Variants in MYCBP2 observed in about 807,000 individuals in gnomAD.
The protein encoded by MYCBP2 is MYC binding protein 2, also known as E3 ubiquitin-protein ligase MYCBP2.
A neutral mutation model predicts 525.3 loss-of-function variants in MYCBP2; 120 were observed. That is an observed-to-expected ratio of 0.23 (90% CI 0.20 to 0.27). MYCBP2 has a LOEUF of 0.27. MYCBP2 is among the 10% of genes least tolerant of loss of function. The pLI is 1.00. For synonymous variants in MYCBP2, 1,894 were observed against 1,955.8 expected (o/e 0.97, Z 0.83); for missense variants, 4,149 against 5,657.1 (o/e 0.73, Z 8.55).
chr13:77,267,273 T>C (rs903450551), intron 8 of MYCBP2, among the ~76,000 whole-genome samples: 2 of 151,288 alleles, frequency 1.3e-5, no homozygotes, highest in African/African-American at 4.9e-5. Context: ...TAAAGCAAAA[T>C]AAACTGTGTC....
intron 52 of MYCBP2, among the ~76,000 whole-genome samples, chr13:77,131,917 G>A (rs982083567): frequency 6.6e-6 from 1 of 152,012 alleles, no homozygotes; most frequent in African/African-American, 2.4e-5. Context: ...GAAAATAAGT[G>A]ACCAACCATG....
rs3742103 is a variant in MYCBP2, at chr13:77,166,574, T to C, written c.6115-20A>G. On this transcript the variant is annotated intron_variant, in intron 40 of 82. Transcript: ENST00000544440. ...TGTCACCTGAGGTCAACAGGCAAAGTGACATGAATACAGATATATATATAC... is the reference window on the plus strand; with the variant it reads ...TGTCACCTGAGGTCAACAGGCAAAGCGACATGAATACAGATATATATATAC... 0.071 allele frequency: 111,173 copies of C among 1,557,862 alleles called. 4,522 individuals are homozygous for C. The highest frequency in any genetic ancestry group is 0.16 in the African/African-American group (11,981 of 73,926).
intron 20 of MYCBP2, among the ~76,000 whole-genome samples, chr13:77,221,597 C>A (rs974440938): frequency 6.6e-6 from 1 of 152,080 alleles, no homozygotes; most frequent in Non-Finnish European, 1.5e-5. Flanking sequence ...GAAGTGCCCT[C>A]TTTGCTGCAT....
chr13:77,298,681 A>C (rs559622202), intron 1 of MYCBP2, among the ~76,000 whole-genome samples: 3 of 152,332 alleles, frequency 2.0e-5, no homozygotes, highest in African/African-American at 7.2e-5. Flanking sequence ...CTAGCCAGAA[A>C]GGCCCACTAA....
chr13:77,193,405 T>C (rs563138411), intron 27 of MYCBP2, among the ~76,000 whole-genome samples: 1 of 152,204 alleles, frequency 6.6e-6, no homozygotes, highest in South Asian at 2.1e-4. Context: ...TCCTTGTTTC[T>C]GAAAATATAC....
intron 74 of MYCBP2, 114 bp downstream of exon 74, chr13:77,062,482 G>A (rs1442625209): frequency 1.2e-6 from 1 of 834,652 alleles, no homozygotes; most frequent in African/African-American, 1.7e-5. Context: ...TCTTTCAAGA[G>A]ATCCACTAAC....
rs533937631 is a variant in MYCBP2 at position 77,069,614 on chromosome 13, T to C, written c.11905-783A>G. On this transcript the variant is annotated intron_variant, in intron 69 of 82. Transcript: ENST00000544440. ...TATTATGCCTGTAATCCCAGCACTTTGGGAGGCCGAGGCGGGTGGATCACG... is the reference window on the plus strand; with the variant it reads ...TATTATGCCTGTAATCCCAGCACTTCGGGAGGCCGAGGCGGGTGGATCACG... Among the ~76,000 whole-genome samples, 19 of 148,748 alleles carry C rather than the reference T, an allele frequency of 1.3e-4. No homozygotes were observed. In the South Asian group the frequency reaches 3.0e-3, roughly 23 times the overall value.
chr13:77,127,461 C>G (rs2051886766), intron 52 of MYCBP2, among the ~76,000 whole-genome samples: 1 of 151,736 alleles, frequency 6.6e-6, no homozygotes, highest in Non-Finnish European at 1.5e-5. Context: ...ACTGGGTGTT[C>G]TCATTGTCAT....
At position 77,097,942 on chromosome 13, in the gene MYCBP2, C is replaced by T; in HGVS notation, c.9212G>A (p.Ser3071Asn). The change falls in exon 56 of 83, where the codon AGT (serine) becomes AAT (asparagine). Residue 3071 changes from serine to asparagine, a missense_variant. Around this residue, in one of 21 missense-constraint regions of MYCBP2, gnomAD observed 653 missense variants for 744.7 expected, o/e 0.88. Transcript: ENST00000544440. ...LSKEHAPIRS[S>N]LNSQQPTEEK... ...CTCTGTAGGTTGTTGGCTATTTAAA[C>T]TACTCCTTATAGGAGCATGTTCTTT... The T allele has an allele frequency of 6.2e-7, 1 of 1,612,898 alleles. No homozygotes were observed.
At chr13:77,315,452 T>C (rs1289608389) in intron 1 of MYCBP2, among the ~76,000 whole-genome samples, 1 of 152,188 alleles carries the variant, frequency 6.6e-6, no homozygotes, top group Admixed American at 6.5e-5. Context: ...ATTCCAAATA[T>C]GATGGTTTTA....
intron 52 of MYCBP2, among the ~76,000 whole-genome samples, 193 bp from the exon 53 acceptor site, chr13:77,126,735 A>AT (rs1433822447): frequency 6.6e-6 from 1 of 152,176 alleles, no homozygotes; most frequent in Admixed American, 6.5e-5. Flanking sequence ...GCTATTTAAA[A>AT]TAAAGTTGAA....
At chr13:77,319,287 T>G (rs543384042) in intron 1 of MYCBP2, among the ~76,000 whole-genome samples, 1 of 152,120 alleles carries the variant, frequency 6.6e-6, no homozygotes, top group Non-Finnish European at 1.5e-5. Context: ...CTCTAGCTAG[T>G]AGAAGAAGGC....
At chr13:77,187,808 A>G (rs969017158) in intron 30 of MYCBP2, among the ~76,000 whole-genome samples, 1 of 151,904 alleles carries the variant, frequency 6.6e-6, no homozygotes, top group Admixed American at 6.6e-5. Flanking sequence ...GCACTTTGGG[A>G]GGCCGAGGCG....
intron 10 of MYCBP2, 145 bp downstream of exon 10, chr13:77,263,505 TC>T: frequency 1.7e-6 from 1 of 581,384 alleles, no homozygotes. Flanking sequence ...TCATATTAAT[TC>T]AAAATTATCC....
chr13:77,263,892 C>T (rs183014282), intron 9 of MYCBP2, 37 bp downstream of exon 9: 3 of 1,606,060 alleles, frequency 1.9e-6, no homozygotes, highest in Non-Finnish European at 2.6e-6. Flanking sequence ...AAAAGGAATT[C>T]CATTTACACT....
At chr13:77,200,542 C>T (rs12560646) in intron 26 of MYCBP2, among the ~76,000 whole-genome samples, 76,255 of 151,610 alleles carry the variant, frequency 0.5, 21,642 homozygotes, top group Non-Finnish European at 0.65. Context: ...ATACAGAGAA[C>T]GCCACAAAGA....
Position 77,070,406 on chromosome 13 carries a change from T to C in MYCBP2, c.11904+225A>G, listed in dbSNP as rs1386101485. Among the ~76,000 whole-genome samples the C allele has an allele frequency of 2.6e-5, 4 of 151,412 alleles. No homozygotes were observed. The East Asian group carries it at 5.8e-4, about 22-fold the overall frequency. ...TAAACTTTCTTAAAGTATTAGGAGA[T>C]TTTTTTTTCTTGCAATTTTTTTTTT... On this transcript the variant is annotated intron_variant, in intron 69 of 82. Coordinates refer to ENST00000544440, the MANE Select transcript of MYCBP2 (RefSeq NM_015057.5).
chr13:77,217,328 C>T (rs2064963119), intron 21 of MYCBP2, among the ~76,000 whole-genome samples: 1 of 152,136 alleles, frequency 6.6e-6, no homozygotes, highest in Non-Finnish European at 1.5e-5. Flanking sequence ...CATTTTCACT[C>T]TTTAAGCTTT....
At chr13:77,223,068 T>C (rs919911080) in intron 20 of MYCBP2, among the ~76,000 whole-genome samples, 3 of 152,196 alleles carry the variant, frequency 2.0e-5, no homozygotes, top group African/African-American at 4.8e-5. Flanking sequence ...CCTGTTTCCA[T>C]GGTGAGACAA....
Sources: gnomAD v4.1 joint callset for allele counts (sites outside exome capture counted in the v4.1 genomes callset) on GRCh38, gnomAD v4.1.1 for gene constraint, gnomAD v4.1.1 regional missense constraint, MANE v1.5 for transcripts, NCBI Gene and HGNC (gene_info 2026-07-23, HGNC 2026-07-21) for gene names.